ARMC2: variants seen among roughly 807,000 people sequenced by gnomAD.
ARMC2 encodes armadillo repeat containing 2.
In ARMC2, 67 loss-of-function variants were observed where a neutral mutation model predicts 90.3. The observed-to-expected ratio is 0.74, with a 90% CI of 0.61 to 0.91. ARMC2 has a LOEUF of 0.91. Among genes scored for constraint, ARMC2 ranks in the 40% least tolerant of loss-of-function variants. ARMC2 has a pLI of 0.00. For missense variants in ARMC2, 920 were observed against 1,030.9 expected (o/e 0.89, Z 1.47); for synonymous variants, 393 against 393.0 (o/e 1.00, Z 0.00).
chr6:108,975,905 T>G (rs1778975450), downstream of ARMC2, among the ~76,000 whole-genome samples: 1 of 152,200 alleles, frequency 6.6e-6, no homozygotes, highest in Admixed American at 6.5e-5. Context: ...ATATTAGCCC[T>G]TTGTCAGATG....
the ARMC2 span, chr6:108,987,606 CT>C: frequency 6.3e-7 from 1 of 1,599,574 alleles, no homozygotes; most frequent in Non-Finnish European, 8.6e-7. Context: ...ATCCTAGCTT[CT>C]ATAAGAAGCA....
chr6:108,905,104 C>T (rs1302124050), intron 8 of ARMC2, among the ~76,000 whole-genome samples: 1 of 152,200 alleles, frequency 6.6e-6, no homozygotes, highest in Non-Finnish European at 1.5e-5. Context: ...TCTAAGAGAG[C>T]CGCTAAAACA....
chr6:108,904,646 TA>T (rs58943428), intron 8 of ARMC2, among the ~76,000 whole-genome samples: 5,306 of 144,244 alleles, frequency 0.037, 194 homozygotes, highest in African/African-American at 0.091. Flanking sequence ...GCAACTAAGT[TA>T]AAAAAAAAAA....
Position 108,919,962 on chromosome 6 carries a change from C to T in ARMC2, c.1350+7404C>T, listed in dbSNP as rs58137123. On this transcript the variant is annotated intron_variant, in intron 10 of 17. Transcript: ENST00000392644. ...TCACAAGATGTTGCAAAAATAGTACCGAGATGTCCTGTGTACCCATCATCC... is the reference window on the plus strand; with the variant it reads ...TCACAAGATGTTGCAAAAATAGTACTGAGATGTCCTGTGTACCCATCATCC... Among the ~76,000 whole-genome samples, 682 of 152,114 alleles carry T rather than the reference C, an allele frequency of 4.5e-3. 2 individuals carry two copies. Among genetic ancestry groups the T allele is most frequent in the African/African-American group, 0.016 (657 of 41,472 alleles).
intron 11 of ARMC2, 151 bp from the exon 12 acceptor site, chr6:108,936,749 C>T (rs1383530377): frequency 1.3e-5 from 8 of 637,500 alleles, no homozygotes; most frequent in Non-Finnish European, 1.9e-5. Context: ...CTCCTTGCAG[C>T]TTCTCTGAAC....
the ARMC2 span, among the ~76,000 whole-genome samples, chr6:108,989,462 G>T: frequency 6.9e-6 from 1 of 144,486 alleles, no homozygotes; most frequent in East Asian, 2.0e-4. Flanking sequence ...TATATCTAGA[G>T]ATATAGAAAT....
chr6:108,915,113 T>C (rs1473576837), intron 10 of ARMC2, among the ~76,000 whole-genome samples: 2 of 152,016 alleles, frequency 1.3e-5, no homozygotes, highest in Non-Finnish European at 2.9e-5. Context: ...CCACCACGCC[T>C]GGCTAATTTT....
chr6:108,919,469 A>T (rs1243688519), intron 10 of ARMC2, among the ~76,000 whole-genome samples: 1 of 152,164 alleles, frequency 6.6e-6, no homozygotes, highest in African/African-American at 2.4e-5. Flanking sequence ...TACCTATAAA[A>T]TGGGAGCAAA....
chr6:108,915,415 A>C (rs959096670), intron 10 of ARMC2, among the ~76,000 whole-genome samples: 4 of 152,184 alleles, frequency 2.6e-5, no homozygotes, highest in Non-Finnish European at 5.9e-5. Flanking sequence ...CTTTTCTTCT[A>C]TGACTTTCAA....
At chr6:109,024,274 T>C in the ARMC2 span, among the ~76,000 whole-genome samples, 19 of 152,276 alleles carry the variant, frequency 1.2e-4, no homozygotes, top group East Asian at 3.7e-3. Context: ...TCTAAGTCCA[T>C]AGTAACTTAT....
the ARMC2 span, chr6:108,994,343 C>T: frequency 6.8e-6 from 5 of 735,810 alleles, no homozygotes; most frequent in Non-Finnish European, 1.0e-5. Context: ...AATACCTATG[C>T]AATAGTCTCT....
chr6:108,917,113 C>T lies in ARMC2; in HGVS notation c.1350+4555C>T, dbSNP rs555364950. On this transcript the variant is annotated intron_variant, in intron 10 of 17. Transcript: ENST00000392644. The stretch of plus-strand genomic sequence containing the variant: ...GTACTTCCAATCTGTTTTTTCTTTA[C>T]AGCCTGACCCAGTTGATTTTGAATT... Among the ~76,000 whole-genome samples the T allele has an allele frequency of 7.9e-5, 12 of 152,294 alleles. No individual in the cohort carries two copies. In the South Asian group the frequency reaches 2.5e-3, roughly 32 times the overall value.
At chr6:108,942,911 A>G (rs1776554803) in intron 12 of ARMC2, among the ~76,000 whole-genome samples, 1 of 152,216 alleles carries the variant, frequency 6.6e-6, no homozygotes, top group African/African-American at 2.4e-5. Flanking sequence ...AAAATGAACA[A>G]GAAAGAAAAG....
intron 10 of ARMC2, among the ~76,000 whole-genome samples, chr6:108,926,766 A>G (rs373553358): frequency 2.0e-5 from 3 of 152,114 alleles, no homozygotes; most frequent in African/African-American, 7.2e-5. Context: ...AGAAGACTAC[A>G]TTGTGACATT....
intron 11 of ARMC2, among the ~76,000 whole-genome samples, chr6:108,932,921 T>C (rs149115472): frequency 7.0e-4 from 106 of 152,310 alleles, no homozygotes; most frequent in African/African-American, 2.4e-3. Context: ...CCTTGGTCCA[T>C]GTGCCTGTTT....
At chr6:108,995,253 C>T in the ARMC2 span, among the ~76,000 whole-genome samples, 1 of 152,176 alleles carries the variant, frequency 6.6e-6, no homozygotes, top group African/African-American at 2.4e-5. Context: ...CTTCTACTTG[C>T]TTAATCTTTA....
chr6:108,907,586 G>T (rs889083081), intron 8 of ARMC2: 16 of 1,531,566 alleles, frequency 1.0e-5, no homozygotes, highest in Admixed American at 3.4e-5. Flanking sequence ...TCGTGGGGTG[G>T]GGGGGTGCAG....
intron 5 of ARMC2, among the ~76,000 whole-genome samples, chr6:108,881,986 C>T (rs918157767): frequency 4.0e-5 from 6 of 151,778 alleles, no homozygotes; most frequent in South Asian, 2.1e-4. Context: ...TAGGAACCAA[C>T]GTGGGACTTG....
At chr6:108,904,879 GA>G (rs1772516178) in intron 8 of ARMC2, among the ~76,000 whole-genome samples, 1 of 152,158 alleles carries the variant, frequency 6.6e-6, no homozygotes, top group Non-Finnish European at 1.5e-5. Context: ...GAACCAGTGT[GA>G]AACCGAAATA....
Sources: allele counts gnomAD v4.1 joint callset (sites outside exome capture counted in the v4.1 genomes callset), GRCh38; gene constraint gnomAD v4.1.1; transcripts MANE v1.5; gene names NCBI Gene and HGNC (gene_info 2026-07-23, HGNC 2026-07-21).